RGS9: variants seen among roughly 807,000 people sequenced by gnomAD.
The protein encoded by RGS9 is regulator of G-protein signalling 9.
Under a neutral mutation model 102.0 loss-of-function variants are expected in RGS9, and 78 were observed. The ratio of observed to expected loss-of-function variants is 0.76; its 90% CI spans 0.64 to 0.92. The LOEUF (loss-of-function observed/expected upper bound fraction) is 0.92, where lower values mean the gene tolerates loss of function less well. Ranked by LOEUF, RGS9 falls within the 40% of genes least tolerant of loss-of-function variation. The pLI is 0.00. For missense variants in RGS9, 833 were observed against 866.1 expected (o/e 0.96, Z 0.48); for synonymous variants, 353 against 318.6 (o/e 1.11, Z -1.15).
intron 14 of RGS9, among the ~76,000 whole-genome samples, chr17:65,203,683 C>T (rs1246156218): frequency 6.6e-6 from 1 of 152,168 alleles, no homozygotes. Context: ...CGGGTCAGAC[C>T]TCTGGGTTCT....
At chr17:65,222,753 CAG>C (rs1341042035) in intron 17 of RGS9, among the ~76,000 whole-genome samples, 1 of 152,186 alleles carries the variant, frequency 6.6e-6, no homozygotes, top group African/African-American at 2.4e-5. Context: ...AAGCTTAGTG[CAG>C]AGTCCCTTAA....
At chr17:65,175,874 T>A (rs1268190501) in intron 8 of RGS9, among the ~76,000 whole-genome samples, 1 of 152,268 alleles carries the variant, frequency 6.6e-6, no homozygotes, top group African/African-American at 2.4e-5. Flanking sequence ...AATTTTTATG[T>A]AAAATGTATT....
intron 1 of RGS9, among the ~76,000 whole-genome samples, chr17:65,139,561 C>T (rs971532106): frequency 2.0e-5 from 3 of 152,154 alleles, no homozygotes; most frequent in African/African-American, 7.2e-5. Context: ...GAACCCGGTG[C>T]CCTTTCATGC....
intron 8 of RGS9, among the ~76,000 whole-genome samples, chr17:65,176,800 A>G (rs1014444634): frequency 2.1e-5 from 3 of 144,048 alleles, no homozygotes; most frequent in African/African-American, 5.3e-5. Context: ...TTCACCATCC[A>G]TCTACCACAA....
At chr17:65,214,116 C>A (rs189144186) in intron 17 of RGS9, among the ~76,000 whole-genome samples, 114 of 152,272 alleles carry the variant, frequency 7.5e-4, no homozygotes, top group Middle Eastern at 3.4e-3. Flanking sequence ...TGTGCGCCAC[C>A]AGGCTTGGCT....
chr17:65,140,118 C>A (rs1295932956), intron 1 of RGS9, among the ~76,000 whole-genome samples: 4 of 152,180 alleles, frequency 2.6e-5, no homozygotes. Flanking sequence ...AAAGCTGAGG[C>A]TCAGAGAGGC....
chr17:65,193,041 G>A (rs1197849147), intron 11 of RGS9, among the ~76,000 whole-genome samples: 3 of 151,314 alleles, frequency 2.0e-5, no homozygotes, highest in East Asian at 1.9e-4. Context: ...GAGGTGGATC[G>A]CTTGACCCCA....
intron 2 of RGS9, among the ~76,000 whole-genome samples, chr17:65,158,022 A>G (rs1394657457): frequency 6.6e-6 from 1 of 152,130 alleles, no homozygotes; most frequent in East Asian, 1.9e-4. Flanking sequence ...ACAACAAGAG[A>G]TGTAAAGATG....
In RGS9 at chr17:65,197,188, G is replaced by T; in HGVS notation, c.923G>T (p.Arg308Leu). ...GCCTTCAACTTCAGCGAATTGATCC[G>T]AGACCCCAAAGGTCGACAGAGCTTC... ...RWAFNFSELI[R>L]DPKGRQSFQY... The change falls in exon 13 of 19, where the codon CGA becomes CTA. Residue 308 changes from arginine to leucine, a missense_variant. Coordinates refer to ENST00000262406, the MANE Select transcript of RGS9 (RefSeq NM_003835.4). The T allele has an allele frequency of 1.9e-6, 3 of 1,614,036 alleles. No homozygotes were observed. The highest frequency in any genetic ancestry group is 2.5e-6 in the Non-Finnish European group (3 of 1,179,934).
chr17:65,176,514 C>T lies in RGS9; in HGVS notation c.583-1218C>T, dbSNP rs1567873254. ...AGGAGTGGCACCCAGACGTGCCTGACAAGCCTGGACTTTCCCAAAGCACTG... is the reference window on the plus strand; with the variant it reads ...AGGAGTGGCACCCAGACGTGCCTGATAAGCCTGGACTTTCCCAAAGCACTG... On this transcript the variant is annotated intron_variant, in intron 8 of 18. Transcript: ENST00000262406. 2.6e-5 allele frequency among the ~76,000 whole-genome samples: 4 copies of T among 152,192 alleles called. No homozygotes were observed. The South Asian group carries it at 8.3e-4, about 31-fold the overall frequency.
At chr17:65,143,681 C>G (rs1252039982) in intron 1 of RGS9, among the ~76,000 whole-genome samples, 1 of 151,562 alleles carries the variant, frequency 6.6e-6, no homozygotes, top group Non-Finnish European at 1.5e-5. Context: ...CTAGCCCCAG[C>G]TACTAGGGAG....
chr17:65,152,441 G>A (rs1910614515), intron 1 of RGS9, among the ~76,000 whole-genome samples: 1 of 152,222 alleles, frequency 6.6e-6, no homozygotes, highest in Non-Finnish European at 1.5e-5. Context: ...ACGCAGAAGA[G>A]TGACATATTC....
At chr17:65,140,802 G>A (rs940047513) in intron 1 of RGS9, among the ~76,000 whole-genome samples, 3 of 152,130 alleles carry the variant, frequency 2.0e-5, no homozygotes, top group African/African-American at 4.8e-5. Flanking sequence ...TTGAACCCGG[G>A]AGGTGGAGGT....
At chr17:65,226,059 G>T (rs8073544) in intron 18 of RGS9, among the ~76,000 whole-genome samples, 11,103 of 152,250 alleles carry the variant, frequency 0.073, 1,369 homozygotes, top group African/African-American at 0.25. Flanking sequence ...GCCTGAGGGG[G>T]GGCCCCTCTA....
At chr17:65,192,140 G>A (rs540846801) in intron 11 of RGS9, among the ~76,000 whole-genome samples, 41 of 152,314 alleles carry the variant, frequency 2.7e-4, no homozygotes, top group African/African-American at 8.7e-4. Flanking sequence ...TACATACAAT[G>A]TGTATTGATA....
At chr17:65,189,196 A>T (rs1055026516) in intron 9 of RGS9, 90 bp from the exon 10 acceptor site, 2 of 1,125,574 alleles carry the variant, frequency 1.8e-6, no homozygotes, top group African/African-American at 1.5e-5. Flanking sequence ...CATTTTTCTC[A>T]TGGGGAAGGA....
intron 3 of RGS9, 83 bp from the exon 4 acceptor site, chr17:65,160,150 G>C (rs1910920275): frequency 1.9e-6 from 2 of 1,029,014 alleles, no homozygotes; most frequent in Non-Finnish European, 3.1e-6. Flanking sequence ...ACCTGTCCTG[G>C]AGTTTGGGGT....
rs1034130225 is a variant in RGS9 at position 65,137,435 on chromosome 17, C to A, written c.-106C>A. 1.7e-6 allele frequency: 2 copies of A among 1,167,034 alleles called. No homozygotes were observed. Among genetic ancestry groups the A allele is most frequent in the East Asian group, 2.4e-5 (1 of 42,288 alleles). The allele number at this position is 1,167,034 out of a possible 1,614,324, so 72.3% of individuals were successfully genotyped here. On this transcript the variant is annotated 5_prime_UTR_variant, in exon 1 of 19. Transcript: ENST00000262406. ...CGCCCTCCCCGCCCAGCCGCCTCCCCGTCGACGCCCAGGGCTGGGGCGAGC... is the reference window on the plus strand; with the variant it reads ...CGCCCTCCCCGCCCAGCCGCCTCCCAGTCGACGCCCAGGGCTGGGGCGAGC...
chr17:65,170,253 C>T (rs1567870285), intron 8 of RGS9, among the ~76,000 whole-genome samples: 1 of 152,030 alleles, frequency 6.6e-6, no homozygotes, highest in African/African-American at 2.4e-5. Context: ...TGGGGTTTCA[C>T]CATGTTGGTC....
Sources: gnomAD v4.1 joint callset for allele counts (sites outside exome capture counted in the v4.1 genomes callset) on GRCh38, gnomAD v4.1.1 for gene constraint, MANE v1.5 for transcripts, NCBI Gene and HGNC (gene_info 2026-07-23, HGNC 2026-07-21) for gene names.